GCLM: variants seen among roughly 807,000 people sequenced by gnomAD.
GCLM encodes the protein glutamate-cysteine ligase modifier subunit.
GCLM carries 15 observed loss-of-function variants against 36.0 expected under a neutral mutation model. The ratio of observed to expected loss-of-function variants is 0.42; its 90% confidence interval spans 0.28 to 0.64. GCLM has a LOEUF of 0.64. Ranked by LOEUF, GCLM falls within the 30% of genes least tolerant of loss-of-function variation. The pLI, the probability that GCLM is intolerant of heterozygous loss-of-function variation, is 0.25. For synonymous variants in GCLM, 129 were observed against 122.8 expected (o/e 1.05, Z -0.34); for missense variants, 242 against 325.5 (o/e 0.74, Z 1.97).
intron 6 of GCLM, among the ~76,000 whole-genome samples, chr1:93,889,574 T>A (rs1360802841): frequency 6.6e-6 from 1 of 151,926 alleles, no homozygotes; most frequent in Non-Finnish European, 1.5e-5. Flanking sequence ...TGAGTATATA[T>A]CTTCATATAT....
At chr1:93,895,177 G>A (rs1173896904) in intron 5 of GCLM, among the ~76,000 whole-genome samples, 2 of 151,966 alleles carry the variant, frequency 1.3e-5, no homozygotes, top group South Asian at 4.1e-4. Flanking sequence ...ACCATGCCCA[G>A]CTAATTTTTT....
chr1:93,897,755 C>A, intron 4 of GCLM, 84 bp downstream of exon 4: 2 of 687,026 alleles, frequency 2.9e-6, no homozygotes, highest in Non-Finnish European at 4.9e-6. Flanking sequence ...TTCTTTTTAC[C>A]TGGACCTAAG....
At chr1:93,898,609 T>A (rs1656828254) in intron 3 of GCLM, among the ~76,000 whole-genome samples, 1 of 152,030 alleles carries the variant, frequency 6.6e-6, no homozygotes, top group Non-Finnish European at 1.5e-5. Context: ...CAAAGTGCTG[T>A]GATTACAGGT....
Position 93,886,825 on chromosome 1 carries a change from C to T in GCLM, c.*2165G>A, listed in dbSNP as rs10489605. ...CTGTATAGATTTAAAATAAAATGAA[C>T]GCTTGTTTAAGGACTTATATGAAAA... On this transcript the variant is annotated 3_prime_UTR_variant, in exon 7 of 7. Coordinates refer to ENST00000370238, the MANE Select transcript of GCLM (RefSeq NM_002061.4). 0.063 allele frequency: 9,629 copies of T among 151,750 alleles called. 347 individuals carry two copies. Among genetic ancestry groups the T allele is most frequent in the South Asian group, 0.093 (446 of 4,812 alleles). The allele number at this position is 151,750 out of a possible 1,614,324, so 9.4% of individuals were successfully genotyped here. A position where few individuals can be genotyped will look rare whatever the true frequency, so the allele number is the denominator to read the frequency against.
chr1:93,905,919 A>G (rs7541690), intron 1 of GCLM, among the ~76,000 whole-genome samples: 6,887 of 152,250 alleles, frequency 0.045, 534 homozygotes, highest in African/African-American at 0.16. Context: ...TTAGATAACC[A>G]AGGACACAGT....
At chr1:93,896,848 TA>T in intron 4 of GCLM, 28 bp from the exon 5 acceptor site, 2 of 1,269,270 alleles carry the variant, frequency 1.6e-6, no homozygotes, top group Non-Finnish European at 2.3e-6. Flanking sequence ...ACAAAGAAAA[TA>T]AATGCTTACA....
Position 93,901,530 on chromosome 1 carries a change from C to A in GCLM, c.277+55G>T, listed in dbSNP as rs933751443. 16 of 929,618 alleles carry A rather than the reference C, an allele frequency of 1.7e-5. No individual in the cohort carries two copies. The South Asian group carries it at 2.2e-4, about 13-fold the overall frequency. 57.6% of individuals were successfully genotyped at this position (929,618 alleles called of 1,614,324 possible). ...AAGAAAGGCTTATTCTAATGCCTAA[C>A]AAAATCTATCGCTTCCGCTATGTAA... On this transcript the variant is annotated intron_variant, in intron 3 of 6. Coordinates refer to ENST00000370238, the MANE Select transcript of GCLM (RefSeq NM_002061.4).
At chr1:93,908,858 G>T in intron 1 of GCLM, 180 bp downstream of exon 1, 1 of 417,218 alleles carries the variant, frequency 2.4e-6, no homozygotes, top group Non-Finnish European at 4.1e-6. Flanking sequence ...GCCCTCGGCA[G>T]CGGGTTTGGA....
chr1:93,908,961 C>A (rs1657253136), intron 1 of GCLM, 77 bp downstream of exon 1: 2 of 1,218,310 alleles, frequency 1.6e-6, no homozygotes, highest in South Asian at 2.1e-5. Context: ...CCCGCGGGCG[C>A]TTCTCCCTTG....
intron 5 of GCLM, among the ~76,000 whole-genome samples, chr1:93,895,368 C>T (rs557575029): frequency 6.6e-6 from 1 of 152,312 alleles, no homozygotes; most frequent in East Asian, 1.9e-4. Context: ...CAATCTAATA[C>T]ATCTGCCTAG....
chr1:93,895,021 T>TG (rs1656678116), intron 5 of GCLM, among the ~76,000 whole-genome samples: 1 of 149,012 alleles, frequency 6.7e-6, no homozygotes, highest in African/African-American at 2.5e-5. Flanking sequence ...ACTTTTTTTT[T>TG]TTTTTTTTTT....
At chr1:93,894,101 T>C (rs991228028) in intron 6 of GCLM, among the ~76,000 whole-genome samples, 18 of 151,522 alleles carry the variant, frequency 1.2e-4, no homozygotes, top group African/African-American at 3.6e-4. Flanking sequence ...CTGCAAAAAA[T>C]AGAAAAATTA....
intron 1 of GCLM, chr1:93,908,790 C>T (rs1571210209): frequency 3.2e-6 from 1 of 310,992 alleles, no homozygotes; most frequent in Non-Finnish European, 5.9e-6. Context: ...CAGCCTTAAG[C>T]ACCGAGAGAG....
intron 2 of GCLM, among the ~76,000 whole-genome samples, chr1:93,902,315 A>C (rs1190761473): frequency 1.3e-5 from 2 of 151,758 alleles, no homozygotes; most frequent in African/African-American, 4.8e-5. Context: ...AGTAGCTGGG[A>C]CTACAGGTGC....
intron 2 of GCLM, among the ~76,000 whole-genome samples, chr1:93,902,125 T>C (rs910886538): frequency 2.0e-5 from 1 of 50,376 alleles, no homozygotes; most frequent in African/African-American, 2.5e-4. Context: ...TTAATGTTAT[T>C]TGAACTTTAA....
At chr1:93,907,228 G>A (rs536402381) in intron 1 of GCLM, among the ~76,000 whole-genome samples, 77 of 152,170 alleles carry the variant, frequency 5.1e-4, no homozygotes, top group African/African-American at 1.7e-3. Flanking sequence ...ACAGTATGAT[G>A]CCATTCCTTC....
intron 3 of GCLM, 38 bp from the exon 4 acceptor site, chr1:93,897,936 G>A (rs766673073): frequency 8.8e-7 from 1 of 1,141,648 alleles, no homozygotes; most frequent in East Asian, 2.6e-5. Flanking sequence ...TACTACATTT[G>A]GATACACATT....
intron 6 of GCLM, among the ~76,000 whole-genome samples, chr1:93,893,959 G>A (rs1656627487): frequency 6.6e-6 from 1 of 151,974 alleles, no homozygotes; most frequent in African/African-American, 2.4e-5. Context: ...TTATCTCCTT[G>A]AATAAAGTAG....
intron 5 of GCLM, among the ~76,000 whole-genome samples, chr1:93,895,008 T>C (rs1309740757): frequency 6.9e-6 from 1 of 145,854 alleles, no homozygotes; most frequent in Non-Finnish European, 1.5e-5. Flanking sequence ...CCAACAGTAC[T>C]ACACTTTTTT....
Sources: allele counts gnomAD v4.1 joint callset (sites outside exome capture counted in the v4.1 genomes callset), GRCh38; gene constraint gnomAD v4.1.1; transcripts MANE v1.5; gene names NCBI Gene and HGNC (gene_info 2026-07-23, HGNC 2026-07-21).